PTPRD: variants seen among roughly 807,000 people sequenced by gnomAD.
PTPRD encodes the protein protein tyrosine phosphatase receptor type D, also known as receptor-type tyrosine-protein phosphatase delta.
A neutral mutation model predicts 214.5 loss-of-function variants in PTPRD; 34 were observed. The observed-to-expected ratio is 0.16, with a 90% CI of 0.12 to 0.21. PTPRD has a LOEUF of 0.21. PTPRD is among the 10% of genes least tolerant of loss of function. The probability of loss-of-function intolerance (pLI) is 1.00; values close to 1 mark genes in which losing one functional copy is unlikely to be tolerated. For synonymous variants in PTPRD, 1,128 were observed against 845.7 expected (o/e 1.33, Z -5.79); for missense variants, 2,545 against 2,398.7 (o/e 1.06, Z -1.27).
At chr9:9,372,430 T>G (rs2059771678) in intron 9 of PTPRD, among the ~76,000 whole-genome samples, 1 of 152,148 alleles carries the variant, frequency 6.6e-6, no homozygotes, top group Non-Finnish European at 1.5e-5. Context: ...AGACTAGGAT[T>G]GCAACCCCTG....
chr9:9,852,791 G>C (rs900169390), intron 5 of PTPRD, among the ~76,000 whole-genome samples: 1 of 152,124 alleles, frequency 6.6e-6, no homozygotes, highest in African/African-American at 2.4e-5. Context: ...AGATACAATT[G>C]TTTTTCTATT....
At chr9:10,253,176 T>A in intron 3 of PTPRD, among the ~76,000 whole-genome samples, 1 of 152,136 alleles carries the variant, frequency 6.6e-6, no homozygotes, top group East Asian at 1.9e-4. Context: ...TTCTGATATG[T>A]AGAAATAAAG....
chr9:8,750,310 A>C (rs2093386605), intron 11 of PTPRD, among the ~76,000 whole-genome samples: 2 of 151,358 alleles, frequency 1.3e-5, no homozygotes. Flanking sequence ...GGCGCGGGCC[A>C]CCACGCCCGG....
intron 14 of PTPRD, among the ~76,000 whole-genome samples, chr9:8,603,462 A>G (rs989390831): frequency 2.0e-5 from 3 of 152,168 alleles, no homozygotes; most frequent in African/African-American, 7.2e-5. Context: ...GTAACACTGG[A>G]GCTACATCTC....
At chr9:9,193,255 T>C (rs2099936325) in intron 9 of PTPRD, among the ~76,000 whole-genome samples, 1 of 152,156 alleles carries the variant, frequency 6.6e-6, no homozygotes. Flanking sequence ...TCATGAATAT[T>C]GCTTTACTCA....
intron 7 of PTPRD, among the ~76,000 whole-genome samples, chr9:9,678,866 G>A (rs978186304): frequency 6.6e-6 from 1 of 151,784 alleles, no homozygotes; most frequent in Non-Finnish European, 1.5e-5. Context: ...AAACACTACA[G>A]GCAAAGGGAA....
intron 2 of PTPRD, among the ~76,000 whole-genome samples, chr9:10,496,821 G>C (rs1022226587): frequency 6.6e-6 from 1 of 151,890 alleles, no homozygotes; most frequent in African/African-American, 2.4e-5. Context: ...TTTGCTTGTT[G>C]AACTGCTTAA....
Position 10,363,991 on chromosome 9 carries a change from G to GTTTTTTTTT in PTPRD, c.-599-22983_-599-22975dup, listed in dbSNP as rs71270610. On this transcript the variant is annotated intron_variant, in intron 2 of 45. Coordinates refer to ENST00000381196, the MANE Select transcript of PTPRD (RefSeq NM_002839.4). ...ATTATTATTGCCTCCACATTTTCGG[G>GTTTTTTTTT]TTTTTTTTTTTTTTTTTTTTTTTTT... 2.7e-3 allele frequency among the ~76,000 whole-genome samples: 94 copies of GTTTTTTTTT among 35,092 alleles called. 22 individuals carry two copies. Among genetic ancestry groups the GTTTTTTTTT allele is most frequent in the East Asian group, 0.014 (25 of 1,788 alleles). The allele number at this position is 35,092 out of a possible 152,430, so 23.0% of individuals were successfully genotyped here.
At chr9:8,882,937 T>C (rs1048625330) in intron 11 of PTPRD, among the ~76,000 whole-genome samples, 9 of 147,428 alleles carry the variant, frequency 6.1e-5, no homozygotes, top group African/African-American at 2.2e-4. Context: ...TCTAAAGTAA[T>C]AGGCGCTATT....
intron 2 of PTPRD, among the ~76,000 whole-genome samples, chr9:10,604,025 A>T (rs866141704): frequency 2.6e-5 from 4 of 151,852 alleles, no homozygotes; most frequent in Non-Finnish European, 5.9e-5. Flanking sequence ...AGGCCAACAT[A>T]GTCATTCCTG....
chr9:9,955,505 T>G (rs2093826826), intron 4 of PTPRD, among the ~76,000 whole-genome samples: 1 of 149,116 alleles, frequency 6.7e-6, no homozygotes, highest in African/African-American at 2.5e-5. Context: ...GGTTTTCGTT[T>G]TTTTTGTTTT....
rs147432529 is a variant in PTPRD at position 8,774,012 on chromosome 9, G to A, written c.-103-40066C>T. On this transcript the variant is annotated intron_variant, in intron 11 of 45. Transcript: ENST00000381196. ...AGAGTTAGGCAGCCCTCCTCAACGC[G>A]CAAAGGAGCCATCTATTATCCAATC... Among the ~76,000 whole-genome samples, 126 of 152,056 alleles carry A rather than the reference G, an allele frequency of 8.3e-4. 1 individual carries two copies. The highest frequency in any genetic ancestry group is 5.7e-3 in the Admixed American group (87 of 15,256).
rs73400345 is a variant in PTPRD at position 10,274,850 on chromosome 9, T to C, written c.-545+66113A>G. Among the ~76,000 whole-genome samples the C allele has an allele frequency of 3.2e-3, 489 of 152,264 alleles. 2 individuals carry two copies. The highest frequency in any genetic ancestry group is 0.011 in the African/African-American group (465 of 41,584). ...TTTTGTCCTTAGGACATTCAGGATC[T>C]AGACAGCAGCAATGGAAATGTGCCC... is the stretch of plus-strand genomic sequence containing the variant. On this transcript the variant is annotated intron_variant, in intron 3 of 45. Transcript: ENST00000381196.
intron 11 of PTPRD, among the ~76,000 whole-genome samples, chr9:8,925,908 T>C (rs1441102904): frequency 6.6e-6 from 1 of 151,190 alleles, no homozygotes; most frequent in Non-Finnish European, 1.5e-5. Context: ...TTTGTCCTTA[T>C]TAATTAAGTA....
chr9:8,668,847 T>A (rs985835985), intron 12 of PTPRD, among the ~76,000 whole-genome samples: 3 of 152,050 alleles, frequency 2.0e-5, no homozygotes, highest in African/African-American at 4.8e-5. Flanking sequence ...ATTCCAAAAG[T>A]TAGAGATAGC....
At chr9:9,051,262 A>C (rs1486425163) in intron 10 of PTPRD, among the ~76,000 whole-genome samples, 1 of 152,216 alleles carries the variant, frequency 6.6e-6, no homozygotes, top group Non-Finnish European at 1.5e-5. Flanking sequence ...ATGAATATGC[A>C]GCTTACCAGT....
At chr9:10,342,255 C>G (rs977047472) in intron 2 of PTPRD, among the ~76,000 whole-genome samples, 4 of 152,006 alleles carry the variant, frequency 2.6e-5, no homozygotes, top group African/African-American at 9.7e-5. Context: ...GTAACAAATC[C>G]TCTTCACTTG....
intron 5 of PTPRD, among the ~76,000 whole-genome samples, chr9:9,775,144 C>T (rs2098787128): frequency 6.6e-6 from 1 of 152,170 alleles, no homozygotes; most frequent in African/African-American, 2.4e-5. Context: ...TCTGTCACCC[C>T]ACAAGTTCAT....
At chr9:10,183,418 C>A (rs936661380) in intron 3 of PTPRD, among the ~76,000 whole-genome samples, 2 of 152,098 alleles carry the variant, frequency 1.3e-5, no homozygotes, top group Non-Finnish European at 2.9e-5. Context: ...GAATGTATAT[C>A]TCTGAAGGAC....
Sources: allele counts gnomAD v4.1 joint callset (sites outside exome capture counted in the v4.1 genomes callset), GRCh38; gene constraint gnomAD v4.1.1; transcripts MANE v1.5; gene names NCBI Gene and HGNC (gene_info 2026-07-23, HGNC 2026-07-21).